Variants in TIAM1 observed in about 807,000 individuals in gnomAD.
TIAM1 encodes rho guanine nucleotide exchange factor TIAM1.
Under a neutral mutation model 163.5 loss-of-function variants are expected in TIAM1, and 65 were observed. That is an observed-to-expected ratio of 0.40 (90% CI 0.33 to 0.49). TIAM1 has a LOEUF of 0.49. Ranked by LOEUF, TIAM1 falls within the 20% of genes least tolerant of loss-of-function variation. The probability of loss-of-function intolerance (pLI) is 0.77; values close to 1 mark genes in which losing one functional copy is unlikely to be tolerated. For synonymous variants in TIAM1, 833 were observed against 810.1 expected, an observed-to-expected ratio of 1.03 and a Z score of -0.48; for missense variants, 1,789 against 2,044.7, an observed-to-expected ratio of 0.87 and a Z score of 2.41.
chr21:31,280,938 G>A (rs2073523990), intron 2 of TIAM1, among the ~76,000 whole-genome samples: 1 of 151,368 alleles, frequency 6.6e-6, no homozygotes, highest in African/African-American at 2.4e-5. Context: ...AAAACAGTGA[G>A]ACACCCACCT....
Position 31,266,349 on chromosome 21 carries a change from G to A in TIAM1, c.624C>T (p.Cys208=), listed in dbSNP as rs144719094. The A allele has an allele frequency of 6.8e-4, 1,093 of 1,614,196 alleles. 4 individuals carry two copies. In the African/African-American group the frequency reaches 0.012, roughly 17 times the overall value. The part of the protein sequence containing the change: ...EILGSAEEKD[C]EEARGMETRA... ...GCGTTTCCATCCCCCGAGCCTCCTC[G>A]CAGTCCTTCTCTTCGGCGGAACCCA... Residue 208 remains cysteine (C), a synonymous_variant, in exon 4 of 28, where the codon TGC becomes TGT. Coordinates refer to ENST00000541036, the MANE Select transcript of TIAM1 (RefSeq NM_001353694.2).
At chr21:31,554,507 C>T (rs1013243260) in intron 1 of TIAM1, among the ~76,000 whole-genome samples, 3 of 152,320 alleles carry the variant, frequency 2.0e-5, no homozygotes, top group Non-Finnish European at 1.5e-5. Context: ...ACTCCAACTA[C>T]ACCCAAGTCT....
chr21:31,503,163 G>A (rs753514735), intron 1 of TIAM1, among the ~76,000 whole-genome samples: 2 of 152,030 alleles, frequency 1.3e-5, no homozygotes, highest in Admixed American at 6.6e-5. Flanking sequence ...GGGAGGCTGC[G>A]GCGGGTGGGT....
At chr21:31,124,733 C>A (rs753717833) in intron 26 of TIAM1, 39 bp from the exon 27 acceptor site, 28 of 1,501,942 alleles carry the variant, frequency 1.9e-5, no homozygotes, top group Admixed American at 2.2e-5. Context: ...AGAATCAGGG[C>A]TTAACACATG....
intron 2 of TIAM1, among the ~76,000 whole-genome samples, chr21:31,289,196 G>A (rs147633548): frequency 3.9e-5 from 6 of 152,294 alleles, no homozygotes; most frequent in African/African-American, 1.4e-4. Flanking sequence ...CAATGCCCTG[G>A]TTTATGTGAG....
At chr21:31,508,188 G>GTGGACTTC (rs139051926) in intron 1 of TIAM1, among the ~76,000 whole-genome samples, 2,509 of 152,170 alleles carry the variant, frequency 0.016, 70 homozygotes, top group African/African-American at 0.056. Context: ...CACCTCAGTC[G>GTGGACTTC]TGGACTTCGA....
chr21:31,551,307 T>C (rs1376401480), intron 1 of TIAM1, among the ~76,000 whole-genome samples: 13 of 145,764 alleles, frequency 8.9e-5, no homozygotes, highest in African/African-American at 3.3e-4. Flanking sequence ...ACTTGGGAGG[T>C]TGAGACAGGA....
intron 2 of TIAM1, among the ~76,000 whole-genome samples, chr21:31,431,083 T>A (rs112147139): frequency 0.012 from 1,898 of 152,272 alleles, 28 homozygotes; most frequent in African/African-American, 0.043. Context: ...GTTCTGTACT[T>A]CTGCATGTAT....
chr21:31,122,098 A>G (rs1813147557), intron 27 of TIAM1, among the ~76,000 whole-genome samples: 2 of 152,150 alleles, frequency 1.3e-5, no homozygotes, highest in South Asian at 4.1e-4. Flanking sequence ...GTGGTCAACG[A>G]GGGGCTGAAT....
At chr21:31,550,321 G>A (rs762759862) in intron 1 of TIAM1, among the ~76,000 whole-genome samples, 39 of 152,118 alleles carry the variant, frequency 2.6e-4, no homozygotes, top group South Asian at 1.2e-3. Context: ...GTAAAATACT[G>A]ATACACGTCA....
intron 2 of TIAM1, among the ~76,000 whole-genome samples, chr21:31,440,767 G>A (rs535877654): frequency 3.9e-5 from 6 of 152,166 alleles, no homozygotes; most frequent in Admixed American, 6.5e-5. Flanking sequence ...TGTAATCCCA[G>A]CTACTGGGGA....
chr21:31,468,580 T>C (rs1243661986), intron 1 of TIAM1, among the ~76,000 whole-genome samples: 2 of 151,410 alleles, frequency 1.3e-5, no homozygotes, highest in African/African-American at 2.4e-5. Context: ...GTGGAGACCA[T>C]CCTAGCTAAC....
chr21:31,259,774 A>G (rs962781820), intron 4 of TIAM1, among the ~76,000 whole-genome samples: 1 of 152,056 alleles, frequency 6.6e-6, no homozygotes, highest in Admixed American at 6.6e-5. Context: ...TACCCTGTGC[A>G]AGTCCAGGTT....
In TIAM1 at chr21:31,118,714, T is replaced by A. The variant is rs1332620955; in HGVS notation, c.*1654A>T. 2 of 465,448 alleles carry A rather than the reference T, an allele frequency of 4.3e-6. No individual in the cohort carries two copies. The highest frequency in any genetic ancestry group is 2.0e-5 in the African/African-American group (1 of 49,632). The allele number at this position is 465,448 out of a possible 1,614,324, so 28.8% of individuals were successfully genotyped here. A position where few individuals can be genotyped will look rare whatever the true frequency, so the allele number is the denominator to read the frequency against. ...GAGATGATATGGAAAAATGCAGTGA[T>A]ACAAAGGGTATAGAAACCATTCTAA... On this transcript the variant is annotated 3_prime_UTR_variant, in exon 28 of 28. Transcript: ENST00000541036.
intron 2 of TIAM1, among the ~76,000 whole-genome samples, chr21:31,409,383 C>T (rs1181620272): frequency 6.6e-6 from 1 of 152,208 alleles, no homozygotes; most frequent in East Asian, 1.9e-4. Flanking sequence ...GTCGGGATTA[C>T]AGGCGTGAGC....
chr21:31,207,879 C>G (rs1014122313), intron 11 of TIAM1, among the ~76,000 whole-genome samples: 1 of 152,124 alleles, frequency 6.6e-6, no homozygotes, highest in Non-Finnish European at 1.5e-5. Flanking sequence ...TGTGAGCCAC[C>G]GTGCCCGGCA....
chr21:31,405,084 A>G (rs2147226282), intron 2 of TIAM1, among the ~76,000 whole-genome samples: 1 of 152,100 alleles, frequency 6.6e-6, no homozygotes, highest in Admixed American at 6.5e-5. Flanking sequence ...ATCTCTACAC[A>G]GAAATAAAAA....
intron 4 of TIAM1, among the ~76,000 whole-genome samples, chr21:31,263,802 G>A (rs764283506): frequency 3.3e-5 from 5 of 152,256 alleles, no homozygotes; most frequent in Admixed American, 6.5e-5. Flanking sequence ...TCTAAGCTCC[G>A]AAGGCCCCAT....
chr21:31,402,162 G>A (rs1038064391), intron 2 of TIAM1, among the ~76,000 whole-genome samples: 9 of 151,928 alleles, frequency 5.9e-5, no homozygotes, highest in Admixed American at 2.0e-4. Flanking sequence ...GCAGTGAGCC[G>A]AGATTGAGCC....
Sources: allele counts gnomAD v4.1 joint callset (sites outside exome capture counted in the v4.1 genomes callset), GRCh38; gene constraint gnomAD v4.1.1; transcripts MANE v1.5; gene names NCBI Gene and HGNC (gene_info 2026-07-23, HGNC 2026-07-21).